The following CNTLN variants were observed in gnomAD, a reference collection of about 807,000 sequenced individuals.
The protein encoded by CNTLN is centlein.
In CNTLN, 212 loss-of-function variants were observed where a neutral mutation model predicts 180.0. The ratio of observed to expected loss-of-function variants is 1.18; its 90% CI spans 1.05 to 1.32. The LOEUF is 1.32. CNTLN is among the 40% of genes most tolerant of loss of function. The pLI is 0.00. For synonymous variants in CNTLN, 722 were observed against 563.1 expected, an observed-to-expected ratio of 1.28 and a Z score of -3.99; for missense variants, 2,095 against 1,610.9, an observed-to-expected ratio of 1.30 and a Z score of -5.14.
chr9:17,270,919 T>C (rs1331947912), intron 5 of CNTLN, among the ~76,000 whole-genome samples: 1 of 150,652 alleles, frequency 6.6e-6, no homozygotes, highest in African/African-American at 2.4e-5. Flanking sequence ...TGTATTAATA[T>C]CAAGGGCATT....
At chr9:17,405,932 C>T (rs1422495774) in intron 15 of CNTLN, among the ~76,000 whole-genome samples, 2 of 151,828 alleles carry the variant, frequency 1.3e-5, no homozygotes, top group Middle Eastern at 3.4e-3. Context: ...TGTGCCACCA[C>T]ACCCAGCTAA....
chr9:17,466,001 A>C lies in CNTLN; in HGVS notation c.3552A>C (p.Glu1184Asp). The part of the protein sequence containing the change: ...LDKKVKTLTE[E>D]CSNKKVSIDS... ...TGTAGGTAAAGACATTAACTGAAGA[A>C]TGTTCCAACAAGAAGGTATCAATTG... The change falls in exon 22 of 26, where the codon GAA becomes GAC. Residue 1184 changes from glutamate to aspartate, a missense_variant. Physicochemically the swap from Glu to Asp is conservative, Grantham distance 45. Coordinates refer to ENST00000380647, the MANE Select transcript of CNTLN (RefSeq NM_017738.4). The C allele has an allele frequency of 6.2e-7, 1 of 1,604,000 alleles. No homozygotes were observed. Among genetic ancestry groups the C allele is most frequent in the Non-Finnish European group, 8.5e-7 (1 of 1,173,630 alleles).
rs144386365 is a variant in CNTLN at position 17,340,120 on chromosome 9, G to C, written c.1645-707G>C. ...TGCAGTGAGCTTTGAACTCCAGCCT[G>C]GGCCACAGAGGGAAGCCCTGTTTCC... On this transcript the variant is annotated intron_variant, in intron 10 of 25. Transcript: ENST00000380647. 7.9e-5 allele frequency among the ~76,000 whole-genome samples: 12 copies of C among 152,162 alleles called. No homozygotes were observed. In the East Asian group the frequency reaches 2.1e-3, roughly 27 times the overall value.
intron 23 of CNTLN, among the ~76,000 whole-genome samples, chr9:17,467,705 A>AT (rs1389905954): frequency 5.3e-5 from 8 of 151,630 alleles, no homozygotes; most frequent in Non-Finnish European, 8.9e-5. Flanking sequence ...TCAAAACACT[A>AT]TTTTTTGTAA....
intron 2 of CNTLN, among the ~76,000 whole-genome samples, chr9:17,207,150 G>A (rs1351248625): frequency 6.6e-6 from 1 of 152,160 alleles, no homozygotes; most frequent in Non-Finnish European, 1.5e-5. Flanking sequence ...ATAAATGTGT[G>A]TCTCTATTTT....
intron 12 of CNTLN, among the ~76,000 whole-genome samples, chr9:17,352,209 C>T (rs762204544): frequency 5.3e-5 from 8 of 151,770 alleles, no homozygotes; most frequent in Non-Finnish European, 8.8e-5. Context: ...TGGCATAGCT[C>T]GGATTGGAGT....
intron 15 of CNTLN, among the ~76,000 whole-genome samples, chr9:17,402,412 A>G (rs1827050434): frequency 1.3e-5 from 2 of 151,828 alleles, no homozygotes; most frequent in Admixed American, 6.6e-5. Flanking sequence ...TCTATGAGCT[A>G]TCTATACCAA....
chr9:17,169,918 T>C (rs572980840), intron 2 of CNTLN, among the ~76,000 whole-genome samples: 1 of 152,328 alleles, frequency 6.6e-6, no homozygotes, highest in African/African-American at 2.4e-5. Context: ...ATGACTTTTT[T>C]TCACTTGTAT....
chr9:17,235,574 A>G, intron 3 of CNTLN, 84 bp from the exon 4 acceptor site: 1 of 1,135,528 alleles, frequency 8.8e-7, no homozygotes, highest in Non-Finnish European at 1.3e-6. Flanking sequence ...TCACATTAGC[A>G]AATCAAAATG....
chr9:17,516,212 C>A, the CNTLN span, among the ~76,000 whole-genome samples: 1 of 152,298 alleles, frequency 6.6e-6, no homozygotes, highest in African/African-American at 2.4e-5. Context: ...CACTCTCTAC[C>A]ATCTACCCTG....
chr9:17,270,994 A>G (rs1211240469), intron 5 of CNTLN, among the ~76,000 whole-genome samples: 1 of 130,588 alleles, frequency 7.7e-6, no homozygotes, highest in Non-Finnish European at 1.5e-5. Flanking sequence ...TCTGTCGCCC[A>G]GGCTGGAGTG....
chr9:17,135,393 A>G lies in CNTLN; in HGVS notation c.328A>G (p.Ser110Gly). The G allele has an allele frequency of 6.3e-7, 1 of 1,597,870 alleles. No individual in the cohort carries two copies. The highest frequency in any genetic ancestry group is 8.5e-7 in the Non-Finnish European group (1 of 1,173,376). ...TRTQLLEEEL[S>G]SLKEELALCQ... The stretch of plus-strand genomic sequence containing the variant: ...GACGCAGCTGCTGGAGGAAGAGCTG[A>G]GCAGCCTAAAGGAGGAGTTGGCCCT... Residue 110 changes from serine to glycine, a missense_variant, in exon 1 of 26, where the codon AGC becomes GGC. Coordinates refer to ENST00000380647, the MANE Select transcript of CNTLN (RefSeq NM_017738.4).
At chr9:17,425,100 A>G (rs1273732359) in intron 18 of CNTLN, among the ~76,000 whole-genome samples, 1 of 152,200 alleles carries the variant, frequency 6.6e-6, no homozygotes, top group Non-Finnish European at 1.5e-5. Flanking sequence ...TCATTTATAT[A>G]TGAATGGATG....
chr9:17,152,699 A>G (rs1229335909), intron 2 of CNTLN, among the ~76,000 whole-genome samples: 2 of 152,152 alleles, frequency 1.3e-5, no homozygotes, highest in Admixed American at 6.5e-5. Context: ...AGCTGAGTTC[A>G]ACTCCTGAAT....
chr9:17,526,721 A>C, the CNTLN span, among the ~76,000 whole-genome samples: 1 of 143,086 alleles, frequency 7.0e-6, no homozygotes, highest in African/African-American at 2.4e-5. Context: ...GAGCTTTAAG[A>C]ACAATAGTAA....
chr9:17,208,254 T>C (rs1823058362), intron 2 of CNTLN, among the ~76,000 whole-genome samples: 1 of 152,224 alleles, frequency 6.6e-6, no homozygotes, highest in Non-Finnish European at 1.5e-5. Flanking sequence ...TTTATTATGT[T>C]GATAGGATAT....
chr9:17,405,763 C>T (rs991371023), intron 15 of CNTLN, among the ~76,000 whole-genome samples: 6 of 151,400 alleles, frequency 4.0e-5, no homozygotes, highest in Non-Finnish European at 8.8e-5. Flanking sequence ...CATTCTATAC[C>T]TCACTTCTGA....
At chr9:17,457,767 C>T (rs1831217104) in intron 19 of CNTLN, 52 bp downstream of exon 19, 1 of 1,118,706 alleles carries the variant, frequency 8.9e-7, no homozygotes, top group Non-Finnish European at 1.2e-6. Flanking sequence ...TTGAATCCTG[C>T]AAGACATATT....
rs564327713 is a variant in CNTLN, at chr9:17,465,911, G to T, written c.3532-70G>T. ...AGACTCATTCACTCATTTAGTTTCT[G>T]TTGGAACAAACACAGTATATTACTA... On this transcript the variant is annotated intron_variant, in intron 21 of 25. Transcript: ENST00000380647. 98 of 1,239,182 alleles carry T rather than the reference G, an allele frequency of 7.9e-5. No homozygotes were observed. The South Asian group carries it at 1.5e-3, about 19-fold the overall frequency. 76.8% of individuals were successfully genotyped at this position (1,239,182 alleles called of 1,614,324 possible).
Sources: gnomAD v4.1 joint callset for allele counts (sites outside exome capture counted in the v4.1 genomes callset) on GRCh38, gnomAD v4.1.1 for gene constraint, MANE v1.5 for transcripts, NCBI Gene and HGNC (gene_info 2026-07-23, HGNC 2026-07-21) for gene names.